The following CDH4 variants were observed in gnomAD, a reference collection of about 807,000 sequenced individuals.
The protein encoded by CDH4 is cadherin-4.
In CDH4, 33 loss-of-function variants were observed where a neutral mutation model predicts 86.0. The ratio of observed to expected loss-of-function variants is 0.38; its 90% CI spans 0.29 to 0.51. The LOEUF (loss-of-function observed/expected upper bound fraction) is 0.51. CDH4 is among the 20% of genes least tolerant of loss of function. The pLI is 0.86. For missense variants in CDH4, 1,114 were observed against 1,307.4 expected (o/e 0.85, Z 2.28); for synonymous variants, 555 against 549.4 (o/e 1.01, Z -0.14).
chr20:61,263,345 G>A (rs2084138448), intron 2 of CDH4, among the ~76,000 whole-genome samples: 1 of 152,176 alleles, frequency 6.6e-6, no homozygotes, highest in African/African-American at 2.4e-5. Flanking sequence ...AAACAAAAGA[G>A]AACAAACCAA....
rs1004167292 is a variant in CDH4, at chr20:61,708,431, G to A, written c.170-35132G>A. ...CACAGACACAGGCTTCCCAGCCAGG[G>A]CGACTGCAGCATCCACCTCCTGCCA... On this transcript the variant is annotated intron_variant, in intron 2 of 15. Coordinates refer to ENST00000614565, the MANE Select transcript of CDH4 (RefSeq NM_001794.5). The surrounding 1 kb of genome is among the most constrained non-coding windows in gnomAD (Gnocchi z 4.5). Among the ~76,000 whole-genome samples the A allele has an allele frequency of 7.9e-5, 12 of 152,120 alleles. No individual in the cohort carries two copies. The highest frequency in any genetic ancestry group is 1.8e-4 in the Non-Finnish European group (12 of 68,018).
chr20:61,790,932 C>CTCCATTCA (rs1311588636), intron 4 of CDH4, among the ~76,000 whole-genome samples: 1 of 152,008 alleles, frequency 6.6e-6, no homozygotes, highest in African/African-American at 2.4e-5. Flanking sequence ...TCGTTCATCT[C>CTCCATTCA]TCCATTCATC....
At chr20:61,554,967 G>C (rs1297061483) in intron 2 of CDH4, among the ~76,000 whole-genome samples, 1 of 152,234 alleles carries the variant, frequency 6.6e-6, no homozygotes, top group Admixed American at 6.5e-5. Context: ...GTGTGCAAGT[G>C]TGTTTACATG....
At chr20:61,515,349 A>T (rs2085811190) in intron 2 of CDH4, among the ~76,000 whole-genome samples, 2 of 152,296 alleles carry the variant, frequency 1.3e-5, no homozygotes, top group South Asian at 4.1e-4. Flanking sequence ...AGTCCCCAAA[A>T]GCTGCATGTA....
intron 2 of CDH4, chr20:61,718,512 A>G (rs1329748543): frequency 9.3e-6 from 3 of 321,386 alleles, no homozygotes; most frequent in African/African-American, 6.5e-5. Flanking sequence ...GTGCCGTCCC[A>G]TATCCCAGGC....
intron 2 of CDH4, among the ~76,000 whole-genome samples, chr20:61,257,868 C>T (rs992058771): frequency 6.6e-6 from 1 of 152,186 alleles, no homozygotes; most frequent in African/African-American, 2.4e-5. Context: ...CTCGTAGAGG[C>T]GGGAGAGTCC....
At chr20:61,837,000 A>T (rs1163673943) in intron 4 of CDH4, among the ~76,000 whole-genome samples, 1 of 152,180 alleles carries the variant, frequency 6.6e-6, no homozygotes, top group African/African-American at 2.4e-5. Context: ...TTGAGACCAG[A>T]CTGGCCAACA....
rs6061728 is a variant in CDH4 at position 61,681,138 on chromosome 20, G to A, written c.170-62425G>A. 3.7e-3 allele frequency among the ~76,000 whole-genome samples: 563 copies of A among 152,270 alleles called. 6 individuals are homozygous for A. Among genetic ancestry groups the A allele is most frequent in the South Asian group, 0.024 (114 of 4,828 alleles). ...TGGATGTGGGCCCTCCAGAATTCAA[G>A]AAAATGTCTCTGCAAGGGTAAAACA... On this transcript the variant is annotated intron_variant, in intron 2 of 15. Coordinates refer to ENST00000614565, the MANE Select transcript of CDH4 (RefSeq NM_001794.5). This position sits in a 1 kb window ranked among gnomAD's most constrained non-coding sequence, Gnocchi z 4.5.
At chr20:61,906,478 T>A (rs1186157562) in intron 8 of CDH4, among the ~76,000 whole-genome samples, 1 of 152,238 alleles carries the variant, frequency 6.6e-6, no homozygotes, top group Non-Finnish European at 1.5e-5. Context: ...CACAGAGGCC[T>A]GAAGGCCAGA....
intron 4 of CDH4, among the ~76,000 whole-genome samples, chr20:61,826,609 G>A (rs1981326059): frequency 6.6e-6 from 1 of 152,208 alleles, no homozygotes; most frequent in African/African-American, 2.4e-5. Context: ...TATGTAAGCT[G>A]GTCAGTATTC....
intron 2 of CDH4, among the ~76,000 whole-genome samples, chr20:61,484,478 G>A (rs1016289360): frequency 1.3e-5 from 2 of 152,168 alleles, no homozygotes; most frequent in African/African-American, 4.8e-5. Context: ...CATCAGGCCC[G>A]TTTATCTTCT....
At chr20:61,579,326 G>A (rs1379973581) in intron 2 of CDH4, among the ~76,000 whole-genome samples, 1 of 128,138 alleles carries the variant, frequency 7.8e-6, no homozygotes, top group East Asian at 2.3e-4. Context: ...TCTCTCTGTT[G>A]CCCAGTCTGG....
At chr20:61,446,230 G>T (rs2085349597) in intron 2 of CDH4, among the ~76,000 whole-genome samples, 1 of 152,102 alleles carries the variant, frequency 6.6e-6, no homozygotes, top group South Asian at 2.1e-4. Context: ...TTAGACCAAG[G>T]CCTACTGCTA....
At chr20:61,485,317 C>G (rs2085590064) in intron 2 of CDH4, among the ~76,000 whole-genome samples, 1 of 152,180 alleles carries the variant, frequency 6.6e-6, no homozygotes, top group Non-Finnish European at 1.5e-5. Flanking sequence ...TTTGGGGTGG[C>G]TATTGTGGAT....
chr20:61,503,352 T>G (rs1408225139), intron 2 of CDH4, among the ~76,000 whole-genome samples: 1 of 152,186 alleles, frequency 6.6e-6, no homozygotes, highest in Non-Finnish European at 1.5e-5. Context: ...ATGAAGGATA[T>G]GCTTTCAAAA....
rs541875199 is a variant in CDH4, at chr20:61,397,264, G to A, written c.169+142327G>A. ...AAACCAGAAAGTCTTGAGAAGTGAG[G>A]CCTCTTCTGGGTGAAGTTTCTTGCG... is the stretch of plus-strand genomic sequence containing the variant. On this transcript the variant is annotated intron_variant, in intron 2 of 15. Coordinates refer to ENST00000614565, the MANE Select transcript of CDH4 (RefSeq NM_001794.5). Among the ~76,000 whole-genome samples, 135 of 152,194 alleles carry A rather than the reference G, an allele frequency of 8.9e-4. 3 individuals are homozygous for A. The South Asian group carries it at 0.011, about 12-fold the overall frequency.
chr20:61,933,928 A>C, intron 14 of CDH4, 128 bp from the exon 15 acceptor site: 1 of 1,021,140 alleles, frequency 9.8e-7, no homozygotes, highest in South Asian at 1.4e-5. Context: ...GTTCTGTGGG[A>C]TGCTTGGAGA....
intron 2 of CDH4, among the ~76,000 whole-genome samples, chr20:61,511,783 G>A (rs1006247900): frequency 6.6e-5 from 10 of 152,320 alleles, no homozygotes; most frequent in Non-Finnish European, 1.0e-4. Flanking sequence ...AGATTAAGTC[G>A]TCCTGGGTGC....
chr20:61,407,908 G>T (rs117593748), intron 2 of CDH4, among the ~76,000 whole-genome samples: 36 of 152,308 alleles, frequency 2.4e-4, no homozygotes, highest in Non-Finnish European at 4.4e-4. Flanking sequence ...AACAGGCAAC[G>T]CTAATTGTCT....
Sources: gnomAD v4.1 joint callset for allele counts (sites outside exome capture counted in the v4.1 genomes callset) on GRCh38, gnomAD v4.1.1 for gene constraint, Gnocchi (gnomAD v3.1) non-coding constraint, MANE v1.5 for transcripts, NCBI Gene and HGNC (gene_info 2026-07-23, HGNC 2026-07-21) for gene names.